AFF1: variants seen among roughly 807,000 people sequenced by gnomAD.
AFF1 encodes the protein AF4/FMR2 family member 1.
Under a neutral mutation model 121.7 loss-of-function variants are expected in AFF1, and 48 were observed. That is an observed-to-expected ratio of 0.39 (90% CI 0.31 to 0.50). The LOEUF (loss-of-function observed/expected upper bound fraction) is 0.50, where lower values mean the gene tolerates loss of function less well. AFF1 is among the 20% of genes least tolerant of loss of function. The pLI, the probability that AFF1 is intolerant of heterozygous loss-of-function variation, is 0.76. For synonymous variants in AFF1, 613 were observed against 563.0 expected, an observed-to-expected ratio of 1.09 and a Z score of -1.26; for missense variants, 1,523 against 1,511.7, an observed-to-expected ratio of 1.01 and a Z score of -0.12.
At chr4:86,941,635 G>A (rs1720467072) in intron 1 of AFF1, among the ~76,000 whole-genome samples, 2 of 152,142 alleles carry the variant, frequency 1.3e-5, no homozygotes, top group African/African-American at 4.8e-5. Flanking sequence ...GTGGGCAATA[G>A]AGCAAGACTC....
chr4:87,115,162 C>T lies in AFF1; in HGVS notation c.2329C>T (p.Leu777Phe). The change falls in exon 12 of 21, where the codon CTC becomes TTC. Residue 777 changes from leucine to phenylalanine, a missense_variant. By Grantham distance (22) the Leu-to-Phe change is conservative (BLOSUM62 0). Coordinates refer to ENST00000395146, the MANE Select transcript of AFF1 (RefSeq NM_001166693.3). ...SLMVKITLDLLSRIPQPPGKG... is the reference protein window; with the variant it reads ...SLMVKITLDLFSRIPQPPGKG... ...GATGGTGAAGATCACCCTAGACCTGCTCTCTCGGATACCCCAGCCTCCCGG... is the reference window on the plus strand; with the variant it reads ...GATGGTGAAGATCACCCTAGACCTGTTCTCTCGGATACCCCAGCCTCCCGG... 1 of 1,614,208 alleles carries T rather than the reference C, an allele frequency of 6.2e-7. No homozygotes were observed. The highest frequency in any genetic ancestry group is 8.5e-7 in the Non-Finnish European group (1 of 1,180,032).
intron 2 of AFF1, among the ~76,000 whole-genome samples, chr4:86,958,100 T>TCC (rs1241743688): frequency 8.3e-5 from 12 of 145,180 alleles, no homozygotes; most frequent in African/African-American, 1.5e-4. Context: ...CCTTTTTTTT[T>TCC]TTTTTTTTTT....
intron 2 of AFF1, among the ~76,000 whole-genome samples, chr4:86,963,593 TTATA>T (rs1371898111): frequency 6.6e-6 from 1 of 152,220 alleles, no homozygotes; most frequent in Non-Finnish European, 1.5e-5. Flanking sequence ...TATTTTAACC[TTATA>T]AAGATCTTAT....
At chr4:86,949,612 C>G in intron 2 of AFF1, 10 of 1,405,900 alleles carry the variant, frequency 7.1e-6, no homozygotes, top group Non-Finnish European at 8.8e-6. Flanking sequence ...GGGCCCCACT[C>G]CTCCCCCAGA....
At chr4:87,037,866 T>A (rs1051026578) in intron 2 of AFF1, among the ~76,000 whole-genome samples, 2 of 152,014 alleles carry the variant, frequency 1.3e-5, no homozygotes, top group Non-Finnish European at 2.9e-5. Context: ...GTACCAAGAA[T>A]GTAAATTTCA....
chr4:86,979,337 G>C (rs1343971336), intron 2 of AFF1, among the ~76,000 whole-genome samples: 3 of 152,084 alleles, frequency 2.0e-5, no homozygotes. Context: ...GACCTCAGGT[G>C]ATCCTCCCGC....
intron 7 of AFF1, among the ~76,000 whole-genome samples, chr4:87,093,907 C>T (rs1383335479): frequency 6.6e-6 from 1 of 152,178 alleles, no homozygotes; most frequent in Admixed American, 6.5e-5. Flanking sequence ...GTAACATTTC[C>T]TGCTCCCTTC....
At position 87,135,805 on chromosome 4, in the gene AFF1, A is replaced by T. The variant is rs1729257053; in HGVS notation, c.*104A>T. 8 of 1,411,738 alleles carry T rather than the reference A, an allele frequency of 5.7e-6. No homozygotes were observed. Among genetic ancestry groups the T allele is most frequent in the African/African-American group, 1.4e-5 (1 of 69,640 alleles). 87.5% of individuals were successfully genotyped at this position (1,411,738 alleles called of 1,614,324 possible). On this transcript the variant is annotated 3_prime_UTR_variant, in exon 21 of 21. Transcript: ENST00000395146. ...TCATCAGGACACCAAACTCTAAAAA[A>T]GAAGCACCACGAGATGGCCAGGACA...
intron 2 of AFF1, among the ~76,000 whole-genome samples, chr4:86,962,101 A>T (rs566684242): frequency 2.6e-5 from 4 of 151,440 alleles, no homozygotes; most frequent in African/African-American, 9.7e-5. Context: ...AGCAAAGGGT[A>T]TGCACGAGCT....
At chr4:87,022,790 CGT>C (rs1463594353) in intron 2 of AFF1, among the ~76,000 whole-genome samples, 6 of 150,214 alleles carry the variant, frequency 4.0e-5, no homozygotes, top group Non-Finnish European at 8.9e-5. Flanking sequence ...ATACATATCA[CGT>C]GTGTGTATAT....
chr4:87,084,038 C>A, intron 4 of AFF1, 82 bp from the exon 5 acceptor site: 2 of 1,267,300 alleles, frequency 1.6e-6, no homozygotes, highest in Non-Finnish European at 2.3e-6. Flanking sequence ...ATGAGTATTG[C>A]TGCATTAATA....
At chr4:87,004,113 G>A (rs1326882126) in intron 2 of AFF1, among the ~76,000 whole-genome samples, 9 of 152,136 alleles carry the variant, frequency 5.9e-5, no homozygotes, top group Admixed American at 5.2e-4. Context: ...TCTGCAACTA[G>A]GATCTGGAGT....
intron 2 of AFF1, among the ~76,000 whole-genome samples, chr4:87,003,506 G>GGC (rs1257734602): frequency 6.6e-6 from 1 of 152,066 alleles, no homozygotes; most frequent in Non-Finnish European, 1.5e-5. Context: ...TTTTTACCTT[G>GGC]GCCTCCCAAA....
At chr4:87,007,217 A>G (rs1726228735) in intron 2 of AFF1, 1 of 1,448,438 alleles carries the variant, frequency 6.9e-7, no homozygotes, top group East Asian at 2.5e-5. Flanking sequence ...AGCGCGAGCC[A>G]ATACGGGCCG....
chr4:87,134,417 C>T (rs957878196), intron 19 of AFF1, 54 bp from the exon 20 acceptor site: 1 of 1,449,950 alleles, frequency 6.9e-7, no homozygotes. Context: ...ATCTGTGATC[C>T]AGGGGTCTAC....
Position 87,134,569 on chromosome 4 carries a change from C to A in AFF1, c.3410C>A (p.Ala1137Asp). 1 of 1,614,074 alleles carries A rather than the reference C, an allele frequency of 6.2e-7. No homozygotes were observed. The highest frequency in any genetic ancestry group is 8.5e-7 in the Non-Finnish European group (1 of 1,179,980). ...SAGSVGSSGV[A>D]ATISTPVTIQ... ...GGCAGTGTGGGGAGCAGTGGGGTGG[C>A]TGCCACTATCAGCACCCCAGTCACC... Residue 1137 changes from alanine (A) to aspartate (D), a missense_variant, in exon 20 of 21, where the codon GCT (alanine) becomes GAT (aspartate). Ala to Asp is a moderately radical substitution (Grantham distance 126). Around this residue, in one of 5 missense-constraint regions of AFF1, gnomAD observed 241 missense variants for 265.2 expected, o/e 0.91. Coordinates refer to ENST00000395146, the MANE Select transcript of AFF1 (RefSeq NM_001166693.3).
At chr4:87,111,856 G>A (rs1228247733) in intron 11 of AFF1, among the ~76,000 whole-genome samples, 1 of 152,152 alleles carries the variant, frequency 6.6e-6, no homozygotes, top group Non-Finnish European at 1.5e-5. Context: ...TAGGACTGTA[G>A]TGGAAGAATA....
chr4:87,024,409 G>A (rs903282068), intron 2 of AFF1, among the ~76,000 whole-genome samples: 1 of 152,158 alleles, frequency 6.6e-6, no homozygotes, highest in Admixed American at 6.5e-5. Flanking sequence ...GTGTTTCCCA[G>A]CGTTAGCCTC....
At chr4:86,945,921 ATATGCTATTCCAAACTTTGTGTG>A (rs1234989306) in intron 1 of AFF1, among the ~76,000 whole-genome samples, 4 of 152,216 alleles carry the variant, frequency 2.6e-5, no homozygotes, top group African/African-American at 9.6e-5. Context: ...ACAGTTTGGT[ATATGCTATTCCAAACTTTGTGTG>A]TATGCATAAA....
Sources: allele counts gnomAD v4.1 joint callset (sites outside exome capture counted in the v4.1 genomes callset), GRCh38; gene constraint gnomAD v4.1.1; regional missense constraint gnomAD v4.1.1; transcripts MANE v1.5; gene names NCBI Gene and HGNC (gene_info 2026-07-23, HGNC 2026-07-21).